Variants in PALLD observed in about 807,000 individuals in gnomAD.
The protein encoded by PALLD is palladin, cytoskeletal associated protein, also known as palladin.
In PALLD, 61 loss-of-function variants were observed where a neutral mutation model predicts 123.5. That is an observed-to-expected ratio of 0.49 (90% confidence interval 0.40 to 0.61). The LOEUF (loss-of-function observed/expected upper bound fraction) is 0.61, where lower values mean the gene tolerates loss of function less well. Ranked by LOEUF, PALLD falls within the 20% of genes least tolerant of loss-of-function variation. The pLI is 0.00. For missense variants in PALLD, 1,273 were observed against 1,377.0 expected (o/e 0.92, Z 1.20); for synonymous variants, 465 against 496.4 (o/e 0.94, Z 0.84).
rs1482554849 is a variant in PALLD at position 168,764,426 on chromosome 4, A to G, written c.1964+52503A>G. On this transcript the variant is annotated intron_variant, in intron 10 of 21. Coordinates refer to ENST00000505667, the MANE Select transcript of PALLD (RefSeq NM_001166108.2). Reference sequence around the variant, plus strand: ...GGAACATTTAAAAAAATTTTTTTAGAAACAGGATCTTTCTATGTTGTCCAG... The same window carrying G: ...GGAACATTTAAAAAAATTTTTTTAGGAACAGGATCTTTCTATGTTGTCCAG... 2.0e-5 allele frequency among the ~76,000 whole-genome samples: 3 copies of G among 152,134 alleles called. No homozygotes were observed. The East Asian group carries it at 5.8e-4, about 29-fold the overall frequency.
intron 2 of PALLD, among the ~76,000 whole-genome samples, chr4:168,575,518 G>A (rs1445901325): frequency 1.3e-5 from 2 of 152,042 alleles, no homozygotes; most frequent in East Asian, 3.9e-4. Flanking sequence ...TTTGAGATGA[G>A]ATTTGGGTGG....
chr4:168,923,427 T>C (rs1416796434), intron 18 of PALLD, among the ~76,000 whole-genome samples: 2 of 152,220 alleles, frequency 1.3e-5, no homozygotes, highest in East Asian at 3.8e-4. Flanking sequence ...AGATTCATTG[T>C]TGGTAGTTCA....
At chr4:168,568,510 A>C (rs186890594) in intron 2 of PALLD, among the ~76,000 whole-genome samples, 2 of 152,246 alleles carry the variant, frequency 1.3e-5, no homozygotes, top group African/African-American at 4.8e-5. Context: ...TCTAAATGCA[A>C]AAAGAAAAAC....
At chr4:168,707,893 T>C (rs1784376795) in intron 8 of PALLD, among the ~76,000 whole-genome samples, 1 of 152,222 alleles carries the variant, frequency 6.6e-6, no homozygotes, top group Non-Finnish European at 1.5e-5. Flanking sequence ...AAGCAATTAT[T>C]CAACTAGTAA....
chr4:168,566,907 A>G (rs1043961692), intron 2 of PALLD, among the ~76,000 whole-genome samples: 2 of 152,174 alleles, frequency 1.3e-5, no homozygotes, highest in African/African-American at 4.8e-5. Flanking sequence ...AGAGATCAGC[A>G]AATGCAGTGA....
chr4:168,551,778 G>T, intron 2 of PALLD, among the ~76,000 whole-genome samples: 1 of 151,936 alleles, frequency 6.6e-6, no homozygotes, highest in East Asian at 1.9e-4. Context: ...GCAAACCAAG[G>T]ACAACTCTCC....
intron 4 of PALLD, among the ~76,000 whole-genome samples, chr4:168,682,590 G>T (rs1486223646): frequency 6.6e-6 from 1 of 152,140 alleles, no homozygotes; most frequent in Non-Finnish European, 1.5e-5. Context: ...CCAAAACTTT[G>T]AGTTAAATAT....
intron 10 of PALLD, among the ~76,000 whole-genome samples, chr4:168,825,939 T>C (rs935430037): frequency 6.6e-6 from 1 of 152,190 alleles, no homozygotes; most frequent in Non-Finnish European, 1.5e-5. Flanking sequence ...TAACGTAAAA[T>C]CTGTAATCCT....
rs138041839 is a variant in PALLD, at chr4:168,639,458, C to T, written c.909-28732C>T. On this transcript the variant is annotated intron_variant, in intron 2 of 21. Coordinates refer to ENST00000505667, the MANE Select transcript of PALLD (RefSeq NM_001166108.2). The stretch of plus-strand genomic sequence containing the variant: ...CCCTTGCCACAACAGTCTGATTGGA[C>T]TCAGACCATGAATCATAAGAAATGT... 1.4e-3 allele frequency among the ~76,000 whole-genome samples: 219 copies of T among 152,290 alleles called. 2 individuals are homozygous for T. Among genetic ancestry groups the T allele is most frequent in the African/African-American group, 5.0e-3 (206 of 41,570 alleles).
At chr4:168,687,719 C>T (rs576869246) in intron 6 of PALLD, among the ~76,000 whole-genome samples, 12 of 152,302 alleles carry the variant, frequency 7.9e-5, no homozygotes, top group Admixed American at 4.6e-4. Context: ...AGTACAAAAT[C>T]CTGTTTCCTC....
At chr4:168,715,914 C>T (rs1475486046) in intron 10 of PALLD, among the ~76,000 whole-genome samples, 1 of 149,526 alleles carries the variant, frequency 6.7e-6, no homozygotes, top group Non-Finnish European at 1.5e-5. Flanking sequence ...AGCGCCACTG[C>T]CCTCCACCCT....
At chr4:168,889,414 T>G (rs1753846729) in intron 10 of PALLD, among the ~76,000 whole-genome samples, 1 of 152,066 alleles carries the variant, frequency 6.6e-6, no homozygotes, top group South Asian at 2.1e-4. Flanking sequence ...TTCACCCACC[T>G]TGGTCTCCCA....
chr4:168,497,529 G>A (rs1015405490), intron 1 of PALLD, among the ~76,000 whole-genome samples: 4 of 152,122 alleles, frequency 2.6e-5, no homozygotes, highest in African/African-American at 9.7e-5. Flanking sequence ...TCGTGTATGT[G>A]TTATGTTTCA....
At chr4:168,523,116 C>A (rs1763711742) in intron 2 of PALLD, among the ~76,000 whole-genome samples, 1 of 151,840 alleles carries the variant, frequency 6.6e-6, no homozygotes, top group South Asian at 2.1e-4. Context: ...CAGCTTTTAG[C>A]CTTGGTTGTT....
chr4:168,619,604 T>A (rs182017680), intron 2 of PALLD, among the ~76,000 whole-genome samples: 1 of 152,276 alleles, frequency 6.6e-6, no homozygotes. Context: ...AGATCAACTG[T>A]TTCTTATACT....
intron 2 of PALLD, chr4:168,631,560 G>A (rs920205103): frequency 2.1e-6 from 2 of 971,308 alleles, no homozygotes; most frequent in African/African-American, 3.5e-5. Context: ...CCCCTCCCCA[G>A]CAGCCCGGCA....
chr4:168,849,134 A>C (rs535006240), intron 10 of PALLD, among the ~76,000 whole-genome samples: 7 of 152,386 alleles, frequency 4.6e-5, no homozygotes, highest in African/African-American at 1.4e-4. Flanking sequence ...ACATGTTCAC[A>C]TTCCAACTGG....
intron 10 of PALLD, among the ~76,000 whole-genome samples, chr4:168,765,695 A>G (rs913847375): frequency 6.6e-6 from 1 of 152,256 alleles, no homozygotes; most frequent in African/African-American, 2.4e-5. Flanking sequence ...GCTTTTAATT[A>G]ATGAATTTGT....
intron 10 of PALLD, among the ~76,000 whole-genome samples, chr4:168,765,046 C>T (rs1279983078): frequency 6.6e-6 from 1 of 152,108 alleles, no homozygotes; most frequent in Non-Finnish European, 1.5e-5. Flanking sequence ...CCTTCTAGGT[C>T]TTCTTTTACA....
Sources: gnomAD v4.1 joint callset for allele counts (sites outside exome capture counted in the v4.1 genomes callset) on GRCh38, gnomAD v4.1.1 for gene constraint, MANE v1.5 for transcripts, NCBI Gene and HGNC (gene_info 2026-07-23, HGNC 2026-07-21) for gene names.